Variants in NKAIN2 observed in about 807,000 individuals in gnomAD.
NKAIN2 encodes the protein sodium/potassium-transporting ATPase subunit beta-1-interacting protein 2.
Under a neutral mutation model 32.6 loss-of-function variants are expected in NKAIN2, and 14 were observed. The observed-to-expected ratio is 0.43, with a 90% CI of 0.28 to 0.67. The LOEUF is 0.67. NKAIN2 is among the 30% of genes least tolerant of loss of function. The pLI is 0.17. For synonymous variants in NKAIN2, 80 were observed against 87.2 expected (o/e 0.92, Z 0.46); for missense variants, 198 against 258.3 (o/e 0.77, Z 1.60).
chr6:124,747,257 G>A (rs1777490382), intron 4 of NKAIN2, among the ~76,000 whole-genome samples: 1 of 151,828 alleles, frequency 6.6e-6, no homozygotes, highest in Non-Finnish European at 1.5e-5. Context: ...CACTCTGTGA[G>A]TCTCTCCTGA....
At chr6:124,063,896 A>G (rs926462678) in intron 1 of NKAIN2, among the ~76,000 whole-genome samples, 1 of 152,198 alleles carries the variant, frequency 6.6e-6, no homozygotes, top group Non-Finnish European at 1.5e-5. Flanking sequence ...CACACAATGC[A>G]AATATATGTG....
chr6:124,644,997 T>G (rs983489321), intron 3 of NKAIN2, among the ~76,000 whole-genome samples: 1 of 152,222 alleles, frequency 6.6e-6, no homozygotes, highest in East Asian at 1.9e-4. Flanking sequence ...GATGAAAGTA[T>G]AAAATAATAC....
At chr6:123,808,754 A>G (rs916668672) in intron 1 of NKAIN2, among the ~76,000 whole-genome samples, 1 of 152,220 alleles carries the variant, frequency 6.6e-6, no homozygotes, top group African/African-American at 2.4e-5. Context: ...ATGACCCAGA[A>G]ATGCAAATGT....
chr6:124,315,249 G>T (rs777737763), intron 2 of NKAIN2, among the ~76,000 whole-genome samples: 1 of 151,904 alleles, frequency 6.6e-6, no homozygotes, highest in Non-Finnish European at 1.5e-5. Context: ...AATCGATAAA[G>T]CCATCCAACC....
At chr6:124,619,602 C>G (rs512024) in intron 3 of NKAIN2, among the ~76,000 whole-genome samples, 24,365 of 152,002 alleles carry the variant, frequency 0.16, 2,041 homozygotes, top group Middle Eastern at 0.23. Flanking sequence ...TTTTACAGAG[C>G]CCAGTTCTCT....
chr6:123,941,587 C>T (rs1776827773), intron 1 of NKAIN2, among the ~76,000 whole-genome samples: 1 of 151,786 alleles, frequency 6.6e-6, no homozygotes, highest in African/African-American at 2.4e-5. Flanking sequence ...TTTTATGGTG[C>T]ACGACTATGT....
intron 1 of NKAIN2, among the ~76,000 whole-genome samples, chr6:123,941,394 C>G (rs1776814745): frequency 6.6e-6 from 1 of 151,572 alleles, no homozygotes; most frequent in Non-Finnish European, 1.5e-5. Flanking sequence ...ATATACTGTA[C>G]ATAATTGTAT....
At chr6:124,298,663 A>T (rs1796164286) in intron 2 of NKAIN2, among the ~76,000 whole-genome samples, 1 of 152,192 alleles carries the variant, frequency 6.6e-6, no homozygotes, top group Non-Finnish European at 1.5e-5. Flanking sequence ...TATAATTTTA[A>T]ATATAGAATG....
chr6:124,787,480 G>C (rs1351529674), intron 4 of NKAIN2, among the ~76,000 whole-genome samples: 2 of 152,106 alleles, frequency 1.3e-5, no homozygotes, highest in Non-Finnish European at 2.9e-5. Context: ...GTGCAAGGCT[G>C]ACTAGGGAGG....
At chr6:124,360,624 G>A (rs934077102) in intron 3 of NKAIN2, among the ~76,000 whole-genome samples, 4 of 151,800 alleles carry the variant, frequency 2.6e-5, no homozygotes, top group African/African-American at 9.7e-5. Flanking sequence ...TAATCCACCG[G>A]AGAAACTTTT....
chr6:123,818,354 AACACACACACAC>A lies in NKAIN2; in HGVS notation c.54+14136_54+14147del, dbSNP rs36066775. On this transcript the variant is annotated intron_variant, in intron 1 of 6. Coordinates refer to ENST00000368417, the MANE Select transcript of NKAIN2 (RefSeq NM_001040214.3). ...AACAAATTTTCAGACTTCTTGTGGAAACACACACACACACACACACACACACACACACACACA... is the reference window on the plus strand; with the variant it reads ...AACAAATTTTCAGACTTCTTGTGGAAACACACACACACACACACACACACA... 2.0e-3 allele frequency among the ~76,000 whole-genome samples: 294 copies of A among 144,620 alleles called. 3 individuals carry two copies. Among genetic ancestry groups the A allele is most frequent in the African/African-American group, 6.0e-3 (239 of 39,744 alleles). The allele number at this position is 144,620 out of a possible 152,430, so 94.9% of individuals were successfully genotyped here.
At chr6:124,679,135 T>TG (rs1175940495) in intron 4 of NKAIN2, among the ~76,000 whole-genome samples, 4 of 152,118 alleles carry the variant, frequency 2.6e-5, no homozygotes, top group South Asian at 4.1e-4. Flanking sequence ...AGCCAGTCCC[T>TG]GGACAGCCCA....
At chr6:123,974,347 T>C (rs1477016445) in intron 1 of NKAIN2, among the ~76,000 whole-genome samples, 1 of 90,074 alleles carries the variant, frequency 1.1e-5, no homozygotes, top group Non-Finnish European at 2.3e-5. Context: ...AGCAGCAGGC[T>C]TTATTTCAGT....
At chr6:124,490,430 T>TTTA in intron 3 of NKAIN2, 2 of 407,818 alleles carry the variant, frequency 4.9e-6, no homozygotes, top group Non-Finnish European at 4.7e-6. Flanking sequence ...TTTTTTTTTT[T>TTTA]AAGAATTCTT....
chr6:123,854,278 A>G (rs973715012), intron 1 of NKAIN2, among the ~76,000 whole-genome samples: 5 of 152,204 alleles, frequency 3.3e-5, no homozygotes, highest in African/African-American at 1.2e-4. Context: ...CCTCTTTTCA[A>G]CACAGGACAT....
At chr6:123,823,599 T>C (rs1774015996) in intron 1 of NKAIN2, among the ~76,000 whole-genome samples, 1 of 152,090 alleles carries the variant, frequency 6.6e-6, no homozygotes, top group Admixed American at 6.6e-5. Flanking sequence ...GTCAAGCTTA[T>C]CAACTCAGTC....
intron 1 of NKAIN2, among the ~76,000 whole-genome samples, chr6:123,950,264 T>C (rs554062746): frequency 3.9e-5 from 6 of 152,072 alleles, no homozygotes; most frequent in African/African-American, 1.2e-4. Context: ...TGTGTGTGTG[T>C]GCGTGTGTGT....
At position 124,072,355 on chromosome 6, in the gene NKAIN2, G is replaced by A. The variant is rs142459805; in HGVS notation, c.55-210650G>A. 4.0e-4 allele frequency among the ~76,000 whole-genome samples: 61 copies of A among 151,878 alleles called. No individual in the cohort carries two copies. The East Asian group carries it at 9.5e-3, about 24-fold the overall frequency. On this transcript the variant is annotated intron_variant, in intron 1 of 6. Transcript: ENST00000368417. Reference sequence around the variant, plus strand: ...GGAAAGACTGAAAAACTAACTACTGGGTACTATTCCCACTACCTGCATAAG... The same window carrying A: ...GGAAAGACTGAAAAACTAACTACTGAGTACTATTCCCACTACCTGCATAAG...
intron 3 of NKAIN2, among the ~76,000 whole-genome samples, chr6:124,422,788 T>G (rs1031729487): frequency 2.6e-5 from 4 of 152,244 alleles, no homozygotes; most frequent in African/African-American, 9.6e-5. Flanking sequence ...TGTGCTGAAG[T>G]TGTTTGTCTT....
Sources: gnomAD v4.1 joint callset for allele counts (sites outside exome capture counted in the v4.1 genomes callset) on GRCh38, gnomAD v4.1.1 for gene constraint, MANE v1.5 for transcripts, NCBI Gene and HGNC (gene_info 2026-07-23, HGNC 2026-07-21) for gene names.